Variants in MAD1L1 observed in about 807,000 individuals in gnomAD.
MAD1L1 encodes mitotic spindle assembly checkpoint protein MAD1.
Under a neutral mutation model 96.9 loss-of-function variants are expected in MAD1L1, and 95 were observed. That is an observed-to-expected ratio of 0.98 (90% CI 0.83 to 1.16). MAD1L1 has a LOEUF of 1.16. MAD1L1 is among the 50% of genes most tolerant of loss of function. MAD1L1 has a pLI of 0.00. For synonymous variants in MAD1L1, 473 were observed against 396.6 expected (o/e 1.19, Z -2.29); for missense variants, 1,007 against 954.4 (o/e 1.06, Z -0.73).
At chr7:2,009,893 G>A (rs1457964019) in intron 13 of MAD1L1, among the ~76,000 whole-genome samples, 2 of 152,102 alleles carry the variant, frequency 1.3e-5, no homozygotes, top group Admixed American at 6.5e-5. Context: ...GTCACGGGGA[G>A]CCCGGCTCAG....
rs1224553275 is a variant in MAD1L1, at chr7:2,214,134, G to C, written c.925-861C>G. Reference sequence around the variant, plus strand: ...AGACTCATGTGAGCCTCACAGTCCTGACAAGGCAGCCAGCACCACTCCTCC... The same window carrying C: ...AGACTCATGTGAGCCTCACAGTCCTCACAAGGCAGCCAGCACCACTCCTCC... On this transcript the variant is annotated intron_variant, in intron 9 of 18. Coordinates refer to ENST00000265854, the MANE Select transcript of MAD1L1 (RefSeq NM_001013836.2). 2.6e-5 allele frequency among the ~76,000 whole-genome samples: 4 copies of C among 152,308 alleles called. No individual in the cohort carries two copies. The East Asian group carries it at 7.7e-4, about 29-fold the overall frequency.
intron 18 of MAD1L1, among the ~76,000 whole-genome samples, chr7:1,897,657 G>A (rs189768753): frequency 2.6e-4 from 40 of 152,364 alleles, no homozygotes; most frequent in African/African-American, 8.9e-4. Flanking sequence ...GGTGGACCCA[G>A]TCTGGCTTCA....
At chr7:2,133,903 T>C in intron 11 of MAD1L1, among the ~76,000 whole-genome samples, 1 of 152,236 alleles carries the variant, frequency 6.6e-6, no homozygotes, top group Non-Finnish European at 1.5e-5. Context: ...TGTTCGTCCA[T>C]TCTTCCATCA....
chr7:1,867,646 T>C (rs1359859871), intron 18 of MAD1L1, among the ~76,000 whole-genome samples: 2 of 152,322 alleles, frequency 1.3e-5, no homozygotes, highest in South Asian at 2.1e-4. Flanking sequence ...TCCAGGAACC[T>C]GCGCCTGAGG....
At chr7:2,185,849 G>C (rs1032500493) in intron 10 of MAD1L1, among the ~76,000 whole-genome samples, 53 of 152,312 alleles carry the variant, frequency 3.5e-4, no homozygotes, top group Non-Finnish European at 5.9e-5. Context: ...CCCACCCCCA[G>C]CCTACCTGTT....
At chr7:2,144,869 C>T (rs546948768) in intron 11 of MAD1L1, among the ~76,000 whole-genome samples, 1 of 152,288 alleles carries the variant, frequency 6.6e-6, no homozygotes, top group African/African-American at 2.4e-5. Context: ...GGCTCCCCTA[C>T]ACTGCCATGA....
chr7:1,830,635 G>A (rs183163105), intron 18 of MAD1L1, among the ~76,000 whole-genome samples: 4 of 152,326 alleles, frequency 2.6e-5, no homozygotes, highest in Non-Finnish European at 5.9e-5. Flanking sequence ...AGGCAGGAAG[G>A]AGAAGACTGG....
At chr7:1,895,298 T>C (rs1249704575) in intron 18 of MAD1L1, among the ~76,000 whole-genome samples, 1 of 152,166 alleles carries the variant, frequency 6.6e-6, no homozygotes, top group East Asian at 1.9e-4. Flanking sequence ...CCCCACTTAC[T>C]CCTGTGGGTC....
intron 11 of MAD1L1, among the ~76,000 whole-genome samples, chr7:2,111,824 C>T (rs1030675157): frequency 1.3e-5 from 2 of 152,244 alleles, no homozygotes; most frequent in Admixed American, 1.3e-4. Context: ...CGAACGCACA[C>T]ACCGGATGCT....
chr7:1,942,642 G>A lies in MAD1L1; in HGVS notation c.1597-5745C>T, dbSNP rs138563170. Among the ~76,000 whole-genome samples the A allele has an allele frequency of 2.2e-4, 33 of 152,232 alleles. 1 individual carries two copies. In the East Asian group the frequency reaches 4.2e-3, roughly 20 times the overall value. On this transcript the variant is annotated intron_variant, in intron 16 of 18. Coordinates refer to ENST00000265854, the MANE Select transcript of MAD1L1 (RefSeq NM_001013836.2). ...AAAACAGCATGGGAGGAAACTAGGC[G>A]GGATCTAGGTGATTAGGAAACATCC...
chr7:2,132,232 C>T (rs1028412815), intron 11 of MAD1L1, among the ~76,000 whole-genome samples: 1 of 152,238 alleles, frequency 6.6e-6, no homozygotes, highest in Non-Finnish European at 1.5e-5. Flanking sequence ...TACCCTTCAG[C>T]CCCCAGGCAG....
intron 12 of MAD1L1, among the ~76,000 whole-genome samples, chr7:2,066,100 T>C (rs925332584): frequency 2.0e-5 from 3 of 152,166 alleles, no homozygotes; most frequent in African/African-American, 7.2e-5. Context: ...CTAGAGCCGT[T>C]TAATAAAGGT....
At chr7:2,134,019 T>C (rs1788640090) in intron 11 of MAD1L1, among the ~76,000 whole-genome samples, 1 of 152,224 alleles carries the variant, frequency 6.6e-6, no homozygotes, top group Non-Finnish European at 1.5e-5. Flanking sequence ...TTGCCATCTT[T>C]TGCCTTCCCA....
chr7:1,873,474 G>A (rs1448461400), intron 18 of MAD1L1, among the ~76,000 whole-genome samples: 1 of 152,030 alleles, frequency 6.6e-6, no homozygotes, highest in Non-Finnish European at 1.5e-5. Flanking sequence ...GGGAGCCCTG[G>A]TGGAGAGCTA....
At chr7:2,096,848 G>A (rs575180710) in intron 11 of MAD1L1, among the ~76,000 whole-genome samples, 2 of 152,294 alleles carry the variant, frequency 1.3e-5, no homozygotes, top group East Asian at 3.9e-4. Flanking sequence ...CCCGACAGCA[G>A]AGGACGCTGG....
chr7:1,827,402 C>T (rs1782453539), intron 18 of MAD1L1, among the ~76,000 whole-genome samples: 1 of 152,030 alleles, frequency 6.6e-6, no homozygotes, highest in Non-Finnish European at 1.5e-5. Context: ...GAGCCCCGCC[C>T]AGGTGTGGGG....
At chr7:2,219,488 G>A in intron 5 of MAD1L1, 32 bp from the exon 6 acceptor site, 3 of 1,608,830 alleles carry the variant, frequency 1.9e-6, no homozygotes, top group Non-Finnish European at 1.7e-6. Flanking sequence ...GAGCCGCTCA[G>A]TGAGTGGAGC....
At chr7:1,980,578 G>T (rs371811878) in intron 14 of MAD1L1, 37 bp from the exon 15 acceptor site, 15 of 1,541,366 alleles carry the variant, frequency 9.7e-6, no homozygotes, top group Admixed American at 1.8e-5. Flanking sequence ...CAGCAGACAC[G>T]AGCGCACCCA....
intron 18 of MAD1L1, among the ~76,000 whole-genome samples, chr7:1,854,695 C>T (rs890665028): frequency 2.6e-5 from 4 of 152,178 alleles, no homozygotes; most frequent in Admixed American, 2.0e-4. Flanking sequence ...CAGCATCCTG[C>T]CCCTGTCCCC....
Sources: allele counts gnomAD v4.1 joint callset (sites outside exome capture counted in the v4.1 genomes callset), GRCh38; gene constraint gnomAD v4.1.1; transcripts MANE v1.5; gene names NCBI Gene and HGNC (gene_info 2026-07-23, HGNC 2026-07-21).